The following DNAH14 variants were observed in gnomAD, a reference collection of about 807,000 sequenced individuals.
The protein encoded by DNAH14 is dynein axonemal heavy chain 14, also known as axonemal beta dynein heavy chain 14.
DNAH14 carries 478 observed loss-of-function variants against 520.9 expected under a neutral mutation model. That is an observed-to-expected ratio of 0.92 (90% CI 0.85 to 0.99). The LOEUF (loss-of-function observed/expected upper bound fraction) is 0.99. DNAH14 is among the 50% of genes least tolerant of loss of function. The pLI, the probability that DNAH14 is intolerant of heterozygous loss-of-function variation, is 0.00. For missense variants in DNAH14, 4,831 were observed against 5,234.5 expected (o/e 0.92, Z 2.38); for synonymous variants, 1,581 against 1,757.2 (o/e 0.90, Z 2.51).
intron 64 of DNAH14, among the ~76,000 whole-genome samples, chr1:225,329,593 A>G (rs964775925): frequency 6.6e-6 from 1 of 152,174 alleles, no homozygotes; most frequent in African/African-American, 2.4e-5. Context: ...GGTGCTGGAT[A>G]TCTATATCCA....
At chr1:225,140,609 C>T in intron 27 of DNAH14, 159 bp from the exon 28 acceptor site, 1 of 568,732 alleles carries the variant, frequency 1.8e-6, no homozygotes, top group African/African-American at 1.9e-5. Flanking sequence ...AATCTTTAGC[C>T]CTCAAATACA....
chr1:225,145,478 A>G (rs1211766359), intron 30 of DNAH14, 99 bp downstream of exon 30: 6 of 973,066 alleles, frequency 6.2e-6, no homozygotes. Context: ...TTTATCTGAG[A>G]CAAACATCAA....
chr1:225,218,212 T>A (rs1329237815), intron 41 of DNAH14, among the ~76,000 whole-genome samples: 1 of 152,086 alleles, frequency 6.6e-6, no homozygotes, highest in Non-Finnish European at 1.5e-5. Context: ...CATACCAAAT[T>A]GTAAAGATCA....
At chr1:225,075,538 A>G (rs1044202541) in intron 17 of DNAH14, among the ~76,000 whole-genome samples, 4 of 152,242 alleles carry the variant, frequency 2.6e-5, no homozygotes, top group Non-Finnish European at 5.9e-5. Context: ...GTTCCTGTGT[A>G]ATCTTATGAA....
At chr1:225,119,185 A>G (rs1222361878) in intron 25 of DNAH14, 35 bp from the exon 26 acceptor site, 2 of 1,425,278 alleles carry the variant, frequency 1.4e-6, no homozygotes, top group East Asian at 2.6e-5. Flanking sequence ...TTAAAAAATA[A>G]TTCTTCATGA....
chr1:225,240,767 A>C lies in DNAH14; in HGVS notation c.6693A>C (p.Val2231=), dbSNP rs757368470. Residue 2231 remains valine (V), a synonymous_variant, in exon 43 of 86, where the codon GTA becomes GTC. Coordinates refer to ENST00000682510, the MANE Select transcript of DNAH14 (RefSeq NM_001367479.1). ...TTGAACCTGATTCTCTTGCAAAAGT[A>C]ACATACGATTTTGACAAACTTGTTC... ...PSLEPDSLAK[V]TYDFDKLVHE... is the part of the protein sequence containing the mutation. The C allele has an allele frequency of 6.5e-7, 1 of 1,550,346 alleles. No homozygotes were observed. The highest frequency in any genetic ancestry group is 8.7e-7 in the Non-Finnish European group (1 of 1,146,082).
intron 9 of DNAH14, among the ~76,000 whole-genome samples, chr1:225,005,542 G>A (rs2064104257): frequency 6.6e-6 from 1 of 152,110 alleles, no homozygotes; most frequent in Non-Finnish European, 1.5e-5. Flanking sequence ...AGTAAGACCA[G>A]AAAGGCAGGG....
At chr1:225,294,056 T>C (rs542082830) in intron 55 of DNAH14, among the ~76,000 whole-genome samples, 1 of 152,304 alleles carries the variant, frequency 6.6e-6, no homozygotes, top group African/African-American at 2.4e-5. Context: ...CCCTATTCAG[T>C]ATGATGTTAG....
At chr1:224,997,437 TG>T (rs1441734543) in intron 8 of DNAH14, among the ~76,000 whole-genome samples, 119 of 137,982 alleles carry the variant, frequency 8.6e-4, no homozygotes, top group African/African-American at 2.6e-3. Flanking sequence ...GGTTTTTTTT[TG>T]TTTGTTTGTT....
chr1:225,349,126 A>T (rs2095328896), intron 71 of DNAH14, among the ~76,000 whole-genome samples: 1 of 152,178 alleles, frequency 6.6e-6, no homozygotes, highest in Admixed American at 6.5e-5. Context: ...ACATGCCACC[A>T]TACCCAGCTA....
intron 64 of DNAH14, among the ~76,000 whole-genome samples, chr1:225,326,255 T>C (rs2094665882): frequency 6.6e-6 from 1 of 152,240 alleles, no homozygotes; most frequent in African/African-American, 2.4e-5. Flanking sequence ...ATGGTGCCCA[T>C]GTTCTAACCT....
rs1559093914 is a variant in DNAH14, at chr1:225,144,597, G to C, written c.4709G>C (p.Gly1570Ala). Residue 1570 changes from glycine to alanine, a missense_variant, in exon 29 of 86, where the codon GGA (glycine) becomes GCA (alanine). Gly to Ala is a moderately conservative substitution (Grantham distance 60). Coordinates refer to ENST00000682510, the MANE Select transcript of DNAH14 (RefSeq NM_001367479.1). ...TGTCCTGCCGGTCCAGCTGGTACAGGAAAAACTGAGACTGTCAAAGATCTA... is the reference window on the plus strand; with the variant it reads ...TGTCCTGCCGGTCCAGCTGGTACAGCAAAAACTGAGACTGTCAAAGATCTA... ...GGCPAGPAGT[G>A]KTETVKDLAK... 3.9e-6 allele frequency: 6 copies of C among 1,551,246 alleles called. No homozygotes were observed. The highest frequency in any genetic ancestry group is 4.4e-6 in the Non-Finnish European group (5 of 1,146,876).
At chr1:224,995,028 G>T (rs1422931059) in intron 8 of DNAH14, among the ~76,000 whole-genome samples, 1 of 152,070 alleles carries the variant, frequency 6.6e-6, no homozygotes, top group Admixed American at 6.6e-5. Flanking sequence ...AATTATTTTA[G>T]CTATAGTTAT....
At chr1:225,020,478 CAG>C (rs2065582206) in intron 10 of DNAH14, among the ~76,000 whole-genome samples, 1 of 104,646 alleles carries the variant, frequency 9.6e-6, no homozygotes. Context: ...GCCTGGGTGA[CAG>C]AGCAAGGCTC....
chr1:224,952,649 A>G, intron 1 of DNAH14, 21 bp from the exon 2 acceptor site: 2 of 1,295,844 alleles, frequency 1.5e-6, no homozygotes, highest in Non-Finnish European at 2.1e-6. Flanking sequence ...ATTAAATATA[A>G]TAATGTGAAT....
intron 17 of DNAH14, among the ~76,000 whole-genome samples, chr1:225,053,752 T>A: frequency 6.6e-6 from 1 of 152,142 alleles, no homozygotes. Context: ...GCAATGCAAA[T>A]TATTGGGAGG....
intron 36 of DNAH14, among the ~76,000 whole-genome samples, chr1:225,178,011 C>A (rs781717749): frequency 3.9e-5 from 6 of 152,282 alleles, no homozygotes; most frequent in African/African-American, 1.4e-4. Context: ...AGAGGCTGTA[C>A]CCTGCAAAGC....
intron 36 of DNAH14, among the ~76,000 whole-genome samples, chr1:225,179,900 G>GT (rs112267327): frequency 0.17 from 25,176 of 149,994 alleles, 2,322 homozygotes; most frequent in East Asian, 0.24. Flanking sequence ...TCAGTTGACA[G>GT]TTTTTTTTTT....
Position 225,185,304 on chromosome 1 carries a change from T to A in DNAH14, c.5549T>A (p.Val1850Glu). ...FYNQLQVCVG[V>E]MLVGPTGGGK... is the part of the protein sequence containing the mutation. The stretch of plus-strand genomic sequence containing the variant: ...ATTTTGTTTTAGGTTTGTGTTGGTG[T>A]GATGTTAGTGGGCCCAACAGGTGGA... Residue 1850 changes from valine (V) to glutamate (E), a missense_variant, in exon 37 of 86, where the codon GTG becomes GAG. Physicochemically the swap from Val to Glu is moderately radical, Grantham distance 121. Transcript: ENST00000682510. The A allele has an allele frequency of 5.2e-6, 8 of 1,543,722 alleles. No individual in the cohort carries two copies. Among genetic ancestry groups the A allele is most frequent in the Non-Finnish European group, 7.0e-6 (8 of 1,144,428 alleles).
Sources: gnomAD v4.1 joint callset for allele counts (sites outside exome capture counted in the v4.1 genomes callset) on GRCh38, gnomAD v4.1.1 for gene constraint, MANE v1.5 for transcripts, NCBI Gene and HGNC (gene_info 2026-07-23, HGNC 2026-07-21) for gene names.